Variants in TBL1X observed in about 807,000 individuals in gnomAD.
The protein encoded by TBL1X is transducin beta like 1 X-linked, also known as F-box-like/WD repeat-containing protein TBL1X.
A neutral mutation model predicts 50.7 loss-of-function variants in TBL1X; 10 were observed. That is an observed-to-expected ratio of 0.20 (90% CI 0.12 to 0.33). TBL1X has a LOEUF of 0.33. Among genes scored for constraint, TBL1X ranks in the 10% least tolerant of loss-of-function variants. TBL1X has a pLI of 1.00. For missense variants in TBL1X, 340 were observed against 504.4 expected (o/e 0.67, Z 3.12); for synonymous variants, 190 against 214.7 (o/e 0.88, Z 1.01).
At chrX:9,699,459 C>T (rs183281437) in intron 12 of TBL1X, among the ~76,000 whole-genome samples, 15 of 111,880 alleles carry the variant, frequency 1.3e-4, no homozygotes, top group South Asian at 7.4e-4. Flanking sequence ...ATATGTGGGA[C>T]GAAAGTTAAC....
chrX:9,466,242 A>G (rs2081773641), intron 1 of TBL1X, among the ~76,000 whole-genome samples: 1 of 112,226 alleles, frequency 8.9e-6, no homozygotes, highest in African/African-American at 3.2e-5. Context: ...TTCCCTAACG[A>G]TGGGACCGGT....
intron 2 of TBL1X, among the ~76,000 whole-genome samples, chrX:9,602,226 C>A (rs1279533987): frequency 1.8e-5 from 2 of 111,667 alleles, no homozygotes; most frequent in East Asian, 5.6e-4. Flanking sequence ...ATATATAGAA[C>A]TCTCTAGAAT....
At chrX:9,570,272 T>C (rs2082378071) in intron 2 of TBL1X, among the ~76,000 whole-genome samples, 1 of 112,166 alleles carries the variant, frequency 8.9e-6, no homozygotes, top group African/African-American at 3.2e-5. Flanking sequence ...CACATGCATA[T>C]GGAGTGCTGC....
At chrX:9,669,649 G>A (rs1388874642) in intron 5 of TBL1X, among the ~76,000 whole-genome samples, 2 of 111,724 alleles carry the variant, frequency 1.8e-5, no homozygotes, top group African/African-American at 6.5e-5. Context: ...CCTTTGTCAT[G>A]CAAGCCCTGA....
chrX:9,594,458 T>C (rs1378290808), intron 2 of TBL1X, among the ~76,000 whole-genome samples: 2 of 112,359 alleles, frequency 1.8e-5, no homozygotes, highest in East Asian at 5.6e-4. Context: ...TGGGAAGTTT[T>C]CTCCATGAAA....
chrX:9,648,284 G>C (rs774708552), intron 3 of TBL1X, among the ~76,000 whole-genome samples: 1 of 112,172 alleles, frequency 8.9e-6, no homozygotes, highest in Admixed American at 9.4e-5. Context: ...GCAATAAAAA[G>C]TAGTAATTGT....
intron 2 of TBL1X, among the ~76,000 whole-genome samples, chrX:9,565,850 C>A (rs1476796295): frequency 9.0e-6 from 1 of 110,850 alleles, no homozygotes; most frequent in African/African-American, 3.3e-5. Context: ...ACAAAAACAA[C>A]AACAAAAAAA....
chrX:9,523,759 G>C (rs1028962210), intron 2 of TBL1X, among the ~76,000 whole-genome samples: 11 of 111,482 alleles, frequency 9.9e-5, no homozygotes, highest in Non-Finnish European at 1.9e-4. Context: ...TAACCTTTCT[G>C]TGTGTGTGCG....
At chrX:9,512,895 C>T (rs1390542895) in intron 2 of TBL1X, among the ~76,000 whole-genome samples, 4 of 111,601 alleles carry the variant, frequency 3.6e-5, no homozygotes, top group African/African-American at 6.5e-5. Context: ...GCTGATCAAG[C>T]GACTGACTAT....
At chrX:9,608,063 A>G (rs1180140177) in intron 2 of TBL1X, among the ~76,000 whole-genome samples, 1 of 110,156 alleles carries the variant, frequency 9.1e-6, no homozygotes, top group African/African-American at 3.3e-5. Flanking sequence ...TGGGCTCCCA[A>G]AGTGCTAGGA....
intron 5 of TBL1X, among the ~76,000 whole-genome samples, chrX:9,657,103 T>C (rs748562873): frequency 8.9e-6 from 1 of 112,203 alleles, no homozygotes; most frequent in Non-Finnish European, 1.9e-5. Context: ...AAATTCTGGG[T>C]TCCCAGATCC....
At chrX:9,668,131 C>T (rs2082940862) in intron 5 of TBL1X, among the ~76,000 whole-genome samples, 3 of 111,207 alleles carry the variant, frequency 2.7e-5, no homozygotes, top group Non-Finnish European at 1.9e-5. Context: ...TCTGATGTTT[C>T]AGTGTATGTT....
chrX:9,591,307 T>C (rs2082498798), intron 2 of TBL1X, among the ~76,000 whole-genome samples: 1 of 111,987 alleles, frequency 8.9e-6, no homozygotes, highest in Non-Finnish European at 1.9e-5. Context: ...TGTTCTCTTC[T>C]GTCAGCATTT....
intron 5 of TBL1X, 71 bp from the exon 6 acceptor site, chrX:9,683,972 G>A: frequency 8.3e-7 from 1 of 1,201,344 alleles, no homozygotes; most frequent in Non-Finnish European, 1.1e-6. Flanking sequence ...GCCACCTTCA[G>A]ATCTCAATGG....
At chrX:9,675,375 C>T (rs2082987212) in intron 5 of TBL1X, among the ~76,000 whole-genome samples, 2 of 111,761 alleles carry the variant, frequency 1.8e-5, no homozygotes, top group Non-Finnish European at 3.8e-5. Flanking sequence ...AGCTGAGACA[C>T]GGGAACCTGT....
At chrX:9,700,673 G>T (rs770914508) in intron 12 of TBL1X, among the ~76,000 whole-genome samples, 2 of 111,816 alleles carry the variant, frequency 1.8e-5, no homozygotes, top group Non-Finnish European at 3.8e-5. Context: ...CCTTTCTGTG[G>T]CTGTGGCAGG....
chrX:9,570,661 ATTTTTTTTTTCTTTTTGTTTTTTT>A lies in TBL1X; in HGVS notation c.-131+68823_-131+68846del, dbSNP rs1484783035. 4.2e-4 allele frequency among the ~76,000 whole-genome samples: 37 copies of A among 87,193 alleles called. 2 individuals are homozygous for A. The highest frequency in any genetic ancestry group is 2.2e-5 in the Non-Finnish European group (1 of 45,651). 75.7% of individuals were successfully genotyped at this position (87,193 alleles called of 115,157 possible). On this transcript the variant is annotated intron_variant, in intron 2 of 17. Transcript: ENST00000645353. ...CTTTATAAACAAGGATGGTTTCCAG[ATTTTTTTTTTCTTTTTGTTTTTTT>A]TTTTTTTTTTGAGATGGAGTCTTGC...
intron 2 of TBL1X, among the ~76,000 whole-genome samples, chrX:9,599,298 A>G (rs967866791): frequency 8.9e-6 from 1 of 111,827 alleles, no homozygotes; most frequent in African/African-American, 3.3e-5. Context: ...CTCTCTCCTA[A>G]TGAGTTTACA....
intron 1 of TBL1X, among the ~76,000 whole-genome samples, chrX:9,500,319 G>T (rs2081994457): frequency 9.4e-6 from 1 of 106,083 alleles, no homozygotes; most frequent in African/African-American, 3.5e-5. Flanking sequence ...AAGCATCCAG[G>T]TGTGGTGGCT....
Sources: allele counts gnomAD v4.1 joint callset (sites outside exome capture counted in the v4.1 genomes callset), GRCh38; gene constraint gnomAD v4.1.1; transcripts MANE v1.5; gene names NCBI Gene and HGNC (gene_info 2026-07-23, HGNC 2026-07-21).